MYPOP: variants seen among roughly 807,000 people sequenced by gnomAD.
MYPOP encodes the protein myb-related transcription factor, partner of profilin.
A neutral mutation model predicts 25.7 loss-of-function variants in MYPOP; 21 were observed. The observed-to-expected ratio is 0.82, with a 90% CI of 0.58 to 1.18. The LOEUF (loss-of-function observed/expected upper bound fraction) is 1.18, where lower values mean the gene tolerates loss of function less well. Among genes scored for constraint, MYPOP ranks in the 50% most tolerant of loss-of-function variants. The pLI, the probability that MYPOP is intolerant of heterozygous loss-of-function variation, is 0.00. For missense variants in MYPOP, 566 were observed against 588.3 expected, an observed-to-expected ratio of 0.96 and a Z score of 0.39; for synonymous variants, 280 against 247.9, an observed-to-expected ratio of 1.13 and a Z score of -1.22.
chr19:45,894,113 A>G (rs1317606791), intron 2 of MYPOP, among the ~76,000 whole-genome samples: 2 of 137,326 alleles, frequency 1.5e-5, no homozygotes, highest in Non-Finnish European at 3.2e-5. Flanking sequence ...TTTAATTTTT[A>G]TTTATTTTTT....
chr19:45,892,686 T>C (rs544137336), intron 2 of MYPOP, among the ~76,000 whole-genome samples: 1 of 152,222 alleles, frequency 6.6e-6, no homozygotes, highest in African/African-American at 2.4e-5. Context: ...CACTGTTTTG[T>C]TTACTAAGAC....
At chr19:45,896,986 C>T (rs1445109680) in intron 2 of MYPOP, among the ~76,000 whole-genome samples, 1 of 151,922 alleles carries the variant, frequency 6.6e-6, no homozygotes, top group Admixed American at 6.6e-5. Context: ...AAACTCCTGG[C>T]CTCAAATGAT....
In MYPOP at chr19:45,902,559, G is replaced by C. The variant is rs544186974; in HGVS notation, c.-53+11C>G. On this transcript the variant is annotated intron_variant, in intron 1 of 2. Coordinates refer to ENST00000322217, the MANE Select transcript of MYPOP (RefSeq NM_001012643.4). ...GAGGGTGGGGACCGAGTCGGGCCAC[G>C]GGTCACTCACCGGCTCCGCCGCAGC... 4.6e-5 allele frequency: 7 copies of C among 152,400 alleles called. No homozygotes were observed. The highest frequency in any genetic ancestry group is 1.0e-4 in the Non-Finnish European group (7 of 68,070). 9.4% of individuals were successfully genotyped at this position (152,400 alleles called of 1,614,324 possible).
In MYPOP at chr19:45,890,643, C is replaced by T. The variant is rs765892540; in HGVS notation, c.1180G>A (p.Gly394Ser). The T allele has an allele frequency of 3.9e-5, 63 of 1,610,118 alleles. No individual in the cohort carries two copies. Among genetic ancestry groups the T allele is most frequent in the South Asian group, 3.1e-4 (28 of 90,952 alleles). ...AGATTTCACGGAGATTTCCATCGGC[C>T]GCGCCTTTTCCGTGTAGGGAAACCT... ...RKGFPTRKRR[G>S]RWKSP is the part of the protein sequence containing the mutation. Residue 394 changes from glycine (G) to serine (S), a missense_variant, in exon 3 of 3, where the codon GGC (glycine) becomes AGC (serine). Coordinates refer to ENST00000322217, the MANE Select transcript of MYPOP (RefSeq NM_001012643.4).
At chr19:45,899,362 T>A (rs1967255082) in intron 2 of MYPOP, among the ~76,000 whole-genome samples, 1 of 152,226 alleles carries the variant, frequency 6.6e-6, no homozygotes, top group Admixed American at 6.5e-5. Flanking sequence ...ATATATTTGC[T>A]AAACGAGTGA....
Position 45,890,657 on chromosome 19 carries a change from G to A in MYPOP, c.1166C>T (p.Thr389Ile). 1 of 1,605,322 alleles carries A rather than the reference G, an allele frequency of 6.2e-7. No homozygotes were observed. The highest frequency in any genetic ancestry group is 8.5e-7 in the Non-Finnish European group (1 of 1,175,776). The change falls in exon 3 of 3, where the codon ACA (threonine) becomes ATA (isoleucine). Residue 389 changes from threonine to isoleucine, a missense_variant. Physicochemically the swap from Thr to Ile is moderately conservative, Grantham distance 89. Transcript: ENST00000322217. ...PPHKRRKGFP[T>I]RKRRGRWKSP ...TTTCCATCGGCCGCGCCTTTTCCGT[G>A]TAGGGAAACCTTTTCTCCGCTTGTG... is the stretch of plus-strand genomic sequence containing the variant.
chr19:45,891,440 C>T (rs1967125179), intron 2 of MYPOP, 117 bp from the exon 3 acceptor site: 2 of 1,230,532 alleles, frequency 1.6e-6, no homozygotes, highest in East Asian at 5.7e-5. Context: ...TCCTTCTCAC[C>T]CCCGCCCCCC....
In MYPOP at chr19:45,894,862, G is replaced by A. The variant is rs749679393; in HGVS notation, c.500-3539C>T. Among the ~76,000 whole-genome samples, 12 of 151,052 alleles carry A rather than the reference G, an allele frequency of 7.9e-5. No homozygotes were observed. In the South Asian group the frequency reaches 1.5e-3, roughly 18 times the overall value. Reference sequence around the variant, plus strand: ...GCCTCCTGAGTAGCTGGGACTATAGGTGCACACCACCATGCCCAGCTAATT... The same window carrying A: ...GCCTCCTGAGTAGCTGGGACTATAGATGCACACCACCATGCCCAGCTAATT... On this transcript the variant is annotated intron_variant, in intron 2 of 2. Coordinates refer to ENST00000322217, the MANE Select transcript of MYPOP (RefSeq NM_001012643.4).
chr19:45,896,551 A>G (rs936696447), intron 2 of MYPOP, among the ~76,000 whole-genome samples: 9 of 152,096 alleles, frequency 5.9e-5, no homozygotes, highest in Non-Finnish European at 1.2e-4. Flanking sequence ...TTTGAGGCTC[A>G]GAGAGAGGTG....
rs1380511903 is a variant in MYPOP at position 45,901,460 on chromosome 19, G to T, written c.314C>A (p.Ala105Glu). 6.3e-7 allele frequency: 1 copy of T among 1,598,722 alleles called. No individual in the cohort carries two copies. The highest frequency in any genetic ancestry group is 8.5e-7 in the Non-Finnish European group (1 of 1,173,000). Residue 105 changes from alanine (A) to glutamate (E), a missense_variant, in exon 2 of 3, where the codon GCG (alanine) becomes GAG (glutamate). Ala to Glu is a moderately radical substitution (Grantham distance 107). Transcript: ENST00000322217. The surrounding 1 kb of genome is among the most constrained non-coding windows in gnomAD (Gnocchi z 5.7). ...PHSTQGAGPA[A>E]EDAFSAEEET... is the part of the protein sequence containing the mutation. ...CTCTTCCGCGGAGAAAGCGTCCTCC[G>T]CGGCGGGCCCGGCGCCCTGCGTGGA...
rs1195993803 is a variant in MYPOP at position 45,890,395 on chromosome 19, G to A, written c.*228C>T. On this transcript the variant is annotated 3_prime_UTR_variant, in exon 3 of 3. Transcript: ENST00000322217. Reference sequence around the variant, plus strand: ...TGAAATTGATGGCTTAGAAGTCAGGGTTAAGGGAGGCAGCCAGGCAGACAG... The same window carrying A: ...TGAAATTGATGGCTTAGAAGTCAGGATTAAGGGAGGCAGCCAGGCAGACAG... The A allele has an allele frequency of 7.0e-6, 4 of 574,760 alleles. No homozygotes were observed. The highest frequency in any genetic ancestry group is 1.1e-5 in the Non-Finnish European group (4 of 351,778). 35.6% of individuals were successfully genotyped at this position (574,760 alleles called of 1,614,324 possible).
intron 2 of MYPOP, among the ~76,000 whole-genome samples, chr19:45,893,406 G>A (rs1967153116): frequency 1.4e-5 from 2 of 148,004 alleles, no homozygotes; most frequent in African/African-American, 2.5e-5. Context: ...CTGTCTCTAC[G>A]AAAAATACAA....
intron 2 of MYPOP, among the ~76,000 whole-genome samples, chr19:45,897,362 C>A (rs1967221236): frequency 6.6e-6 from 1 of 152,122 alleles, no homozygotes; most frequent in South Asian, 2.1e-4. Context: ...CACACCAGGC[C>A]AGAGTCCATG....
chr19:45,894,781 C>T lies in MYPOP; in HGVS notation c.500-3458G>A, dbSNP rs529099669. On this transcript the variant is annotated intron_variant, in intron 2 of 2. Transcript: ENST00000322217. ...CTGCCCAGGCTGGAGCTCAGTGGTG[C>T]GATCTCGGCTCACTGCAACCTCTGC... is the stretch of plus-strand genomic sequence containing the variant. 2.0e-4 allele frequency among the ~76,000 whole-genome samples: 29 copies of T among 143,500 alleles called. 1 individual carries two copies. The South Asian group carries it at 5.1e-3, about 25-fold the overall frequency. The allele number at this position is 143,500 out of a possible 152,430, so 94.1% of individuals were successfully genotyped here.
intron 2 of MYPOP, among the ~76,000 whole-genome samples, chr19:45,892,556 G>A (rs1268856326): frequency 1.3e-5 from 2 of 151,954 alleles, no homozygotes; most frequent in African/African-American, 2.4e-5. Flanking sequence ...GTCGAAAAAC[G>A]CCCCAAACTC....
intron 2 of MYPOP, among the ~76,000 whole-genome samples, chr19:45,894,854 G>A (rs1967180221): frequency 6.6e-6 from 1 of 150,556 alleles, no homozygotes. Context: ...GAGTAGCTGG[G>A]ACTATAGGTG....
chr19:45,890,898 G>A lies in MYPOP; in HGVS notation c.925C>T (p.Pro309Ser), dbSNP rs1233143803. 1 of 1,437,350 alleles carries A rather than the reference G, an allele frequency of 7.0e-7. No homozygotes were observed. The highest frequency in any genetic ancestry group is 9.1e-7 in the Non-Finnish European group (1 of 1,097,536). The allele number at this position is 1,437,350 out of a possible 1,614,324, so 89.0% of individuals were successfully genotyped here. A position where few individuals can be genotyped will look rare whatever the true frequency, so the allele number is the denominator to read the frequency against. ...PGTPVDSLPPPLPPPPPPPPP... is the reference protein window; with the variant it reads ...PGTPVDSLPPSLPPPPPPPPP... Reference sequence around the variant, plus strand: ...GGTGGGGGTGGGGGTGGGGGCAGAGGTGGAGGCAGGGAGTCAACTGGGGTT... The same window carrying A: ...GGTGGGGGTGGGGGTGGGGGCAGAGATGGAGGCAGGGAGTCAACTGGGGTT... The change falls in exon 3 of 3, where the codon CCT (proline) becomes TCT (serine). Residue 309 changes from proline (P) to serine (S), a missense_variant. Pro to Ser is a moderately conservative substitution (Grantham distance 74). Coordinates refer to ENST00000322217, the MANE Select transcript of MYPOP (RefSeq NM_001012643.4).
chr19:45,890,613 A>G lies in MYPOP; in HGVS notation c.*10T>C, dbSNP rs1967103048. 2 of 1,610,500 alleles carry G rather than the reference A, an allele frequency of 1.2e-6. No homozygotes were observed. Among genetic ancestry groups the G allele is most frequent in the Non-Finnish European group, 1.7e-6 (2 of 1,178,720 alleles). On this transcript the variant is annotated 3_prime_UTR_variant, in exon 3 of 3. Transcript: ENST00000322217. ...AGAGGGGTTGCAGGCAGGATCATAG[A>G]TAGTAGATTTCACGGAGATTTCCAT...
rs556343307 is a variant in MYPOP at position 45,896,876 on chromosome 19, C to T, written c.499+4399G>A. Among the ~76,000 whole-genome samples the T allele has an allele frequency of 7.4e-4, 113 of 152,134 alleles. 1 individual carries two copies. Among genetic ancestry groups the T allele is most frequent in the African/African-American group, 2.5e-3 (105 of 41,508 alleles). On this transcript the variant is annotated intron_variant, in intron 2 of 2. Coordinates refer to ENST00000322217, the MANE Select transcript of MYPOP (RefSeq NM_001012643.4). ...TCCTGACCTCATGATCCACCCGCCT[C>T]GGCCTCCCAAAGTGCTGGGATTACA...
Sources: gnomAD v4.1 joint callset for allele counts (sites outside exome capture counted in the v4.1 genomes callset) on GRCh38, gnomAD v4.1.1 for gene constraint, Gnocchi (gnomAD v3.1) non-coding constraint, MANE v1.5 for transcripts, NCBI Gene and HGNC (gene_info 2026-07-23, HGNC 2026-07-21) for gene names.